Variants in ARHGAP17 observed in about 807,000 individuals in gnomAD.
ARHGAP17 encodes the protein Rho GTPase activating protein 17.
ARHGAP17 carries 57 observed loss-of-function variants against 99.5 expected under a neutral mutation model. That is an observed-to-expected ratio of 0.57 (90% CI 0.46 to 0.71). ARHGAP17 has a LOEUF of 0.71. ARHGAP17 is among the 30% of genes least tolerant of loss of function. The probability of loss-of-function intolerance (pLI) is 0.00; values close to 1 mark genes in which losing one functional copy is unlikely to be tolerated. For synonymous variants in ARHGAP17, 417 were observed against 429.6 expected (o/e 0.97, Z 0.36); for missense variants, 1,000 against 1,122.4 (o/e 0.89, Z 1.56).
At chr16:24,987,826 G>A (rs901986142) in intron 1 of ARHGAP17, among the ~76,000 whole-genome samples, 3 of 152,188 alleles carry the variant, frequency 2.0e-5, no homozygotes, top group Non-Finnish European at 2.9e-5. Context: ...AATTTTTAAT[G>A]AGCTCATTTT....
chr16:25,000,741 C>T (rs2053338849), intron 1 of ARHGAP17, among the ~76,000 whole-genome samples: 1 of 152,216 alleles, frequency 6.6e-6, no homozygotes, highest in Non-Finnish European at 1.5e-5. Context: ...ATTAAAACTC[C>T]TCTTACCATT....
At chr16:24,947,346 T>C in intron 14 of ARHGAP17, 136 bp downstream of exon 14, 1 of 734,978 alleles carries the variant, frequency 1.4e-6, no homozygotes, top group Non-Finnish European at 2.2e-6. Context: ...TCCAAGAATA[T>C]AGGCTGAATG....
intron 7 of ARHGAP17, among the ~76,000 whole-genome samples, chr16:24,960,538 C>G (rs2051958454): frequency 6.6e-6 from 1 of 150,520 alleles, no homozygotes; most frequent in Non-Finnish European, 1.5e-5. Flanking sequence ...TAGAGTGAGA[C>G]TCTGTCTAAA....
chr16:24,920,405 CT>C, intron 19 of ARHGAP17, 145 bp from the exon 20 acceptor site: 2 of 969,656 alleles, frequency 2.1e-6, no homozygotes, highest in Non-Finnish European at 3.0e-6. Flanking sequence ...CTCATCAGCT[CT>C]TAGAAGCCAA....
Position 24,968,700 on chromosome 16 carries a change from A to T in ARHGAP17, c.345T>A (p.Val115=). The change falls in exon 5 of 20, where the codon GTT becomes GTA. Residue 115 remains valine (V), a synonymous_variant. Coordinates refer to ENST00000289968, the MANE Select transcript of ARHGAP17 (RefSeq NM_001006634.3). The part of the protein sequence containing the change: ...ALELSQHEVF[V]EKEIVDPLYG... The stretch of plus-strand genomic sequence containing the variant: ...ACAGAGGGTCCACGATCTCCTTCTC[A>T]ACAAAGACTTCGTGCTGGGAGAGCT... 1 of 1,614,220 alleles carries T rather than the reference A, an allele frequency of 6.2e-7. No homozygotes were observed. Among genetic ancestry groups the T allele is most frequent in the Middle Eastern group, 1.6e-4 (1 of 6,062 alleles).
At chr16:24,926,758 A>G (rs932151453) in intron 19 of ARHGAP17, among the ~76,000 whole-genome samples, 1 of 152,228 alleles carries the variant, frequency 6.6e-6, no homozygotes, top group African/African-American at 2.4e-5. Flanking sequence ...TGTATATGTT[A>G]TCTCCTTCTG....
chr16:24,945,742 G>A (rs544769001), intron 14 of ARHGAP17, among the ~76,000 whole-genome samples: 6 of 152,276 alleles, frequency 3.9e-5, no homozygotes, highest in African/African-American at 1.4e-4. Context: ...TGATCAGTCT[G>A]TGTGCCTTAA....
At chr16:24,977,110 A>T in intron 3 of ARHGAP17, 105 bp downstream of exon 3, 1 of 843,348 alleles carries the variant, frequency 1.2e-6, no homozygotes, top group Non-Finnish European at 1.7e-6. Flanking sequence ...AGAAGTCACC[A>T]AAGGCTGATC....
chr16:25,002,230 G>C (rs2053380477), intron 1 of ARHGAP17, among the ~76,000 whole-genome samples: 1 of 152,072 alleles, frequency 6.6e-6, no homozygotes, highest in Non-Finnish European at 1.5e-5. Flanking sequence ...AAAAAGTGAA[G>C]AATTACTGTT....
rs2050662256 is a variant in ARHGAP17 at position 24,919,407 on chromosome 16, A to G, written c.*723T>C. ...TATGAAGTTTTCATATAAACCACAG[A>G]ATATATTTAATTCAAATTAAACATG... is the stretch of plus-strand genomic sequence containing the variant. On this transcript the variant is annotated 3_prime_UTR_variant, in exon 20 of 20. Coordinates refer to ENST00000289968, the MANE Select transcript of ARHGAP17 (RefSeq NM_001006634.3). The G allele has an allele frequency of 6.5e-6, 1 of 152,770 alleles. No individual in the cohort carries two copies. The highest frequency in any genetic ancestry group is 1.9e-4 in the East Asian group (1 of 5,248). The allele number at this position is 152,770 out of a possible 1,614,324, so 9.5% of individuals were successfully genotyped here. A position where few individuals can be genotyped will look rare whatever the true frequency, so the allele number is the denominator to read the frequency against.
chr16:25,010,818 T>C (rs1452095703), intron 1 of ARHGAP17, among the ~76,000 whole-genome samples: 4 of 152,272 alleles, frequency 2.6e-5, no homozygotes, highest in African/African-American at 9.6e-5. Context: ...CCCTGAGGCC[T>C]TCACATGGCC....
rs116882435 is a variant in ARHGAP17, at chr16:24,944,322, C to A, written c.1242-460G>T. Among the ~76,000 whole-genome samples, 765 of 151,826 alleles carry A rather than the reference C, an allele frequency of 5.0e-3. 6 individuals are homozygous for A. The highest frequency in any genetic ancestry group is 7.6e-3 in the Non-Finnish European group (513 of 67,928). The stretch of plus-strand genomic sequence containing the variant: ...CATGGTCCTGGTCTATGAATGTGGC[C>A]GTGATCACCCAGGAAAAAATGACTC... On this transcript the variant is annotated intron_variant, in intron 14 of 19. Transcript: ENST00000289968.
intron 9 of ARHGAP17, among the ~76,000 whole-genome samples, chr16:24,959,229 C>T (rs1456099969): frequency 1.3e-5 from 2 of 152,190 alleles, no homozygotes; most frequent in Non-Finnish European, 2.9e-5. Flanking sequence ...TTAAGTGTGA[C>T]GTGCATGATG....
chr16:24,980,332 A>G (rs1215689801), intron 1 of ARHGAP17, among the ~76,000 whole-genome samples: 3 of 152,186 alleles, frequency 2.0e-5, no homozygotes, highest in Non-Finnish European at 4.4e-5. Flanking sequence ...ACTTGTCATC[A>G]TGGCACTGTC....
At chr16:24,981,278 G>A (rs941008075) in intron 1 of ARHGAP17, among the ~76,000 whole-genome samples, 6 of 152,020 alleles carry the variant, frequency 3.9e-5, no homozygotes, top group Non-Finnish European at 8.8e-5. Context: ...AGAAAATAAA[G>A]CAAACATAAA....
intron 16 of ARHGAP17, among the ~76,000 whole-genome samples, chr16:24,940,556 C>T (rs2051284295): frequency 6.6e-6 from 1 of 152,090 alleles, no homozygotes; most frequent in Non-Finnish European, 1.5e-5. Context: ...AGAAAATTAG[C>T]TGCGTGAGGT....
chr16:24,946,289 T>A (rs1223221431), intron 14 of ARHGAP17, among the ~76,000 whole-genome samples: 5 of 151,848 alleles, frequency 3.3e-5, no homozygotes, highest in African/African-American at 1.2e-4. Flanking sequence ...GCCTTCCCAG[T>A]CACAGCCTCA....
At chr16:24,970,446 T>C (rs1310862578) in intron 4 of ARHGAP17, 61 bp downstream of exon 4, 2 of 1,513,234 alleles carry the variant, frequency 1.3e-6, no homozygotes, top group Non-Finnish European at 1.8e-6. Flanking sequence ...ATACACCACC[T>C]GGCCCAGCCA....
intron 1 of ARHGAP17, among the ~76,000 whole-genome samples, chr16:25,000,092 A>C (rs2053318688): frequency 6.6e-6 from 1 of 152,214 alleles, no homozygotes; most frequent in African/African-American, 2.4e-5. Context: ...TACAGACAGG[A>C]TCTCAAGCCC....
Sources: gnomAD v4.1 joint callset for allele counts (sites outside exome capture counted in the v4.1 genomes callset) on GRCh38, gnomAD v4.1.1 for gene constraint, MANE v1.5 for transcripts, NCBI Gene and HGNC (gene_info 2026-07-23, HGNC 2026-07-21) for gene names.